The following TASOR2 variants were observed in gnomAD, a reference collection of about 807,000 sequenced individuals.
TASOR2 encodes the protein transcription activation suppressor family member 2, also known as protein TASOR 2.
A neutral mutation model predicts 199.5 loss-of-function variants in TASOR2; 84 were observed. The observed-to-expected ratio is 0.42, with a 90% CI of 0.35 to 0.50. The LOEUF is 0.50. TASOR2 is among the 20% of genes least tolerant of loss of function. The pLI is 0.02. For synonymous variants in TASOR2, 1,103 were observed against 1,046.6 expected (o/e 1.05, Z -1.04); for missense variants, 2,796 against 2,835.9 (o/e 0.99, Z 0.32).
In TASOR2 at chr10:5,720,677, T is replaced by A. The variant is rs1414301363; in HGVS notation, c.26+9T>A. 2 of 1,614,124 alleles carry A rather than the reference T, an allele frequency of 1.2e-6. No homozygotes were observed. Among genetic ancestry groups the A allele is most frequent in the South Asian group, 2.2e-5 (2 of 91,084 alleles). On this transcript the variant is annotated intron_variant, in intron 4 of 20. Coordinates refer to ENST00000328090, the Ensembl canonical transcript of TASOR2. The surrounding 1 kb of genome is among the most constrained non-coding windows in gnomAD (Gnocchi z 5.3). The stretch of plus-strand genomic sequence containing the variant: ...CCAGCTCATAAAAGCATGTAAGTAA[T>A]TATGTGCATGCTTTGTTTTACTGAA...
chr10:5,724,563 T>G, intron 8 of TASOR2, 30 bp downstream of exon 9: 1 of 986,532 alleles, frequency 1.0e-6, no homozygotes, highest in Non-Finnish European at 1.4e-6. Context: ...AATATAATTA[T>G]TATGTTTTTC....
intron 1 of TASOR2, among the ~76,000 whole-genome samples, chr10:5,686,553 A>G (rs895543998): frequency 3.3e-5 from 5 of 152,212 alleles, no homozygotes; most frequent in African/African-American, 1.2e-4. Context: ...ATTTCTGTAG[A>G]ATTGACTCCT....
intron 1 of TASOR2, among the ~76,000 whole-genome samples, chr10:5,696,603 C>T (rs1837186512): frequency 6.6e-6 from 1 of 152,260 alleles, no homozygotes; most frequent in South Asian, 2.1e-4. Flanking sequence ...ATCTTCCTGC[C>T]TTGGCTTCCC....
At chr10:5,743,445 T>C (rs1836710006) in intron 14 of TASOR2, among the ~76,000 whole-genome samples, 3 of 152,210 alleles carry the variant, frequency 2.0e-5, no homozygotes, top group Admixed American at 1.3e-4. Context: ...TTAAAGACTA[T>C]TAATCTCCCC....
At chr10:5,708,560 TTTTC>T (rs202195166) in intron 1 of TASOR2, among the ~76,000 whole-genome samples, 12,963 of 150,212 alleles carry the variant, frequency 0.086, 1,437 homozygotes, top group East Asian at 0.42. Flanking sequence ...CTTTCTTTCT[TTTTC>T]TTTCTTTCTC....
In TASOR2 at chr10:5,731,344, T is replaced by C. The variant is rs1239583872; in HGVS notation, c.1204+141T>C. The C allele has an allele frequency of 4.2e-6, 3 of 717,788 alleles. No homozygotes were observed. In the African/African-American group the frequency reaches 5.4e-5, roughly 13 times the overall value. The allele number at this position is 717,788 out of a possible 1,614,324, so 44.5% of individuals were successfully genotyped here. A position where few individuals can be genotyped will look rare whatever the true frequency, so the allele number is the denominator to read the frequency against. On this transcript the variant is annotated intron_variant, in intron 11 of 20. Coordinates refer to ENST00000328090, the Ensembl canonical transcript of TASOR2. ...AGGAGTTTGAGACCAGTCTGACCAA[T>C]ACGGTGACACCCTGTCTCTACTAAA... is the stretch of plus-strand genomic sequence containing the variant.
chr10:5,691,746 A>G (rs776908499), intron 1 of TASOR2, among the ~76,000 whole-genome samples: 1 of 152,102 alleles, frequency 6.6e-6, no homozygotes, highest in Non-Finnish European at 1.5e-5. Flanking sequence ...CAGGCCAAAC[A>G]CTTCATCTTC....
At chr10:5,702,037 T>C (rs1467795996) in intron 1 of TASOR2, among the ~76,000 whole-genome samples, 2 of 152,168 alleles carry the variant, frequency 1.3e-5, no homozygotes, top group African/African-American at 4.8e-5. Flanking sequence ...TCTTGTTCCA[T>C]ATCTTAGAGG....
chr10:5,752,108 T>G lies in TASOR2; in HGVS notation c.6606+2081T>G, dbSNP rs1838135267. Among the ~76,000 whole-genome samples the G allele has an allele frequency of 6.6e-6, 1 of 152,010 alleles. No homozygotes were observed. Among genetic ancestry groups the G allele is most frequent in the Non-Finnish European group, 1.5e-5 (1 of 67,996 alleles). ...CGGGCCAGCTGCCCTCCCCCTACCC[T>G]TGCAGCAGAAAGCTCCATTCAGATG... On this transcript the variant is annotated intron_variant, in intron 15 of 20. Transcript: ENST00000328090. The surrounding 1 kb of genome is among the most constrained non-coding windows in gnomAD (Gnocchi z 4.4).
In TASOR2 at chr10:5,739,610, T is replaced by C; in HGVS notation, c.1448-8T>C. On this transcript the variant is annotated splice_polypyrimidine_tract_variant and splice_region_variant and intron_variant, in intron 12 of 20. Transcript: ENST00000328090. ...ACATCTCTCTTTTTTTTTTCTTTTA[T>C]ACTGAAGTCAAAGGAGAAACTGCTT... 1 of 1,604,032 alleles carries C rather than the reference T, an allele frequency of 6.2e-7. No homozygotes were observed. Among genetic ancestry groups the C allele is most frequent in the Non-Finnish European group, 8.5e-7 (1 of 1,174,802 alleles).
At position 5,742,529 on chromosome 10, in the gene TASOR2, A is replaced by T; in HGVS notation, c.2757+3A>T. On this transcript the variant is annotated splice_donor_region_variant and intron_variant, in intron 14 of 20. Coordinates refer to ENST00000328090, the Ensembl canonical transcript of TASOR2. The surrounding 1 kb of genome is among the most constrained non-coding windows in gnomAD (Gnocchi z 4.2). ...TCATCTGTTCTTACAATAATGAGGT[A>T]TGTAAAGCTGAATACCGTTAAATGT... 6.2e-7 allele frequency: 1 copy of T among 1,606,428 alleles called. No individual in the cohort carries two copies. Among genetic ancestry groups the T allele is most frequent in the Non-Finnish European group, 8.5e-7 (1 of 1,177,894 alleles).
At chr10:5,747,118 G>T in exon 15 of TASOR2, 2 of 1,614,090 alleles carry the variant, frequency 1.2e-6, no homozygotes, top group Non-Finnish European at 1.7e-6. Context: ...CACATCAGGT[G>T]ACTCTTTAGA....
chr10:5,715,641 TG>T (rs138555148), intron 2 of TASOR2, among the ~76,000 whole-genome samples: 101,279 of 149,276 alleles, frequency 0.68, 34,679 homozygotes, highest in African/African-American at 0.8. Flanking sequence ...TAGGCAGTTT[TG>T]GTTTTTTTTT....
chr10:5,691,787 G>A (rs554901371), intron 1 of TASOR2, among the ~76,000 whole-genome samples: 5 of 152,196 alleles, frequency 3.3e-5, no homozygotes, highest in South Asian at 2.1e-4. Context: ...TAAATTTTTC[G>A]TAAATTTTGT....
exon 21 of TASOR2, chr10:5,763,577 GCTTT>G (rs1174055838): frequency 2.0e-5 from 3 of 152,096 alleles, no homozygotes; most frequent in East Asian, 3.9e-4. Context: ...ACAAAAATCA[GCTTT>G]CTGAGAAAGA....
At position 5,742,062 on chromosome 10, in the gene TASOR2, A is replaced by G. The variant is rs1836509007; in HGVS notation, c.2328-35A>G. On this transcript the variant is annotated intron_variant, in intron 13 of 20. Transcript: ENST00000328090. The surrounding 1 kb of genome is among the most constrained non-coding windows in gnomAD (Gnocchi z 4.2). ...GTAATCAACTAAAATAACCATTTTC[A>G]ATGATTTTCATGTGTTCTTTCTGTA... 3.8e-6 allele frequency: 6 copies of G among 1,582,800 alleles called. No homozygotes were observed. In the African/African-American group the frequency reaches 6.8e-5, roughly 18 times the overall value.
rs570557915 is a variant in TASOR2, at chr10:5,754,861, G to T, written c.6607-1752G>T. Among the ~76,000 whole-genome samples the T allele has an allele frequency of 6.6e-6, 1 of 151,578 alleles. No homozygotes were observed. The highest frequency in any genetic ancestry group is 1.5e-5 in the Non-Finnish European group (1 of 67,894). ...GATTGAGACCTTCCTGGCTAACACC[G>T]TGAAACCCCATCTCTACTAAAAATA... On this transcript the variant is annotated intron_variant, in intron 15 of 20. Transcript: ENST00000328090. The surrounding 1 kb of genome is among the most constrained non-coding windows in gnomAD (Gnocchi z 4.3).
intron 18 of TASOR2, among the ~76,000 whole-genome samples, chr10:5,760,505 C>T (rs1839649111): frequency 6.6e-6 from 1 of 152,118 alleles, no homozygotes; most frequent in South Asian, 2.1e-4. Flanking sequence ...AGTTCCATCT[C>T]TAGGAGGGAG....
At chr10:5,707,685 C>G (rs1422718874) in intron 1 of TASOR2, among the ~76,000 whole-genome samples, 1 of 150,180 alleles carries the variant, frequency 6.7e-6, no homozygotes, top group Non-Finnish European at 1.5e-5. Context: ...TCTCCCCCCC[C>G]AACCCCACAC....
Sources: allele counts gnomAD v4.1 joint callset (sites outside exome capture counted in the v4.1 genomes callset), GRCh38; gene constraint gnomAD v4.1.1; non-coding constraint Gnocchi (gnomAD v3.1); transcripts MANE v1.5; gene names NCBI Gene and HGNC (gene_info 2026-07-23, HGNC 2026-07-21).